Variants in CPN1 observed in about 807,000 individuals in gnomAD.
CPN1 encodes carboxypeptidase N catalytic chain.
In CPN1, 37 loss-of-function variants were observed where a neutral mutation model predicts 46.4. That is an observed-to-expected ratio of 0.80 (90% CI 0.61 to 1.05). The LOEUF is 1.05. CPN1 is among the 50% of genes least tolerant of loss of function. The pLI, the probability that CPN1 is intolerant of heterozygous loss-of-function variation, is 0.00. For synonymous variants in CPN1, 224 were observed against 235.4 expected (o/e 0.95, Z 0.44); for missense variants, 563 against 602.6 (o/e 0.93, Z 0.69).
intron 8 of CPN1, among the ~76,000 whole-genome samples, 174 bp from the exon 9 acceptor site, chr10:100,042,747 T>A (rs2041283783): frequency 6.6e-6 from 1 of 151,988 alleles, no homozygotes; most frequent in Non-Finnish European, 1.5e-5. Context: ...CAATCATTGG[T>A]GATAGATAGA....
chr10:100,067,652 C>T (rs919946206), intron 3 of CPN1, among the ~76,000 whole-genome samples: 2 of 152,184 alleles, frequency 1.3e-5, no homozygotes, highest in African/African-American at 4.8e-5. Context: ...AGCGTGATCA[C>T]CAGGGGTGGC....
intron 7 of CPN1, among the ~76,000 whole-genome samples, chr10:100,049,344 C>A (rs60513250): frequency 0.05 from 7,518 of 150,860 alleles, 466 homozygotes; most frequent in African/African-American, 0.15. Context: ...CTCACTGCAA[C>A]CCCTACCTCC....
intron 7 of CPN1, among the ~76,000 whole-genome samples, chr10:100,052,861 TAG>T (rs999192270): frequency 6.6e-6 from 1 of 151,640 alleles, no homozygotes; most frequent in African/African-American, 2.4e-5. Flanking sequence ...GCCCAGGCAA[TAG>T]AGTGAGACCC....
rs1252010586 is a variant in CPN1, at chr10:100,057,035, G to C, written c.989C>G (p.Ala330Gly). The change falls in exon 6 of 9, where the codon GCC becomes GGC. Residue 330 changes from alanine (A) to glycine (G), a missense_variant. By Grantham distance (60) the Ala-to-Gly change is moderately conservative. Coordinates refer to ENST00000370418, the MANE Select transcript of CPN1 (RefSeq NM_001308.3). ...LQREWLGNRE[A>G]LIQFLEQVHQ... is the part of the protein sequence containing the mutation. ...TACCTGTTCCAGGAACTGGATTAGG[G>C]CTTCCCGATTACCCAGCCACTCCCG... is the stretch of plus-strand genomic sequence containing the variant. 6.2e-7 allele frequency: 1 copy of C among 1,613,984 alleles called. No homozygotes were observed. The highest frequency in any genetic ancestry group is 8.5e-7 in the Non-Finnish European group (1 of 1,180,026).
chr10:100,071,070 C>T (rs1453517461), intron 2 of CPN1, among the ~76,000 whole-genome samples: 1 of 152,118 alleles, frequency 6.6e-6, no homozygotes. Flanking sequence ...CCACACTGGG[C>T]ATAATGTTTG....
intron 5 of CPN1, among the ~76,000 whole-genome samples, chr10:100,061,588 A>G (rs1330080573): frequency 2.6e-5 from 4 of 152,170 alleles, no homozygotes; most frequent in African/African-American, 9.7e-5. Flanking sequence ...ACACTGTTGG[A>G]AGAACCATTT....
At chr10:100,075,436 C>T (rs975619746) in intron 2 of CPN1, among the ~76,000 whole-genome samples, 1 of 152,126 alleles carries the variant, frequency 6.6e-6, no homozygotes, top group African/African-American at 2.4e-5. Flanking sequence ...TAGAATTAGC[C>T]CCCTACCCCC....
At chr10:100,080,124 T>C (rs1202323722) in intron 1 of CPN1, among the ~76,000 whole-genome samples, 2 of 142,008 alleles carry the variant, frequency 1.4e-5, no homozygotes, top group Non-Finnish European at 3.0e-5. Context: ...CAGTTGGGAG[T>C]TCAGTGCAAT....
intron 8 of CPN1, among the ~76,000 whole-genome samples, chr10:100,046,104 T>C (rs1030950630): frequency 6.6e-6 from 1 of 152,142 alleles, no homozygotes; most frequent in African/African-American, 2.4e-5. Context: ...TCATCCTATC[T>C]ATAAAAGAAA....
chr10:100,058,962 G>A (rs1031868091), intron 5 of CPN1, among the ~76,000 whole-genome samples: 1 of 152,172 alleles, frequency 6.6e-6, no homozygotes, highest in Non-Finnish European at 1.5e-5. Context: ...AACAAATGGT[G>A]CTGGAGAAAC....
In CPN1 at chr10:100,057,049, C is replaced by T. The variant is rs778336494; in HGVS notation, c.975G>A (p.Leu325=). 4 of 1,614,034 alleles carry T rather than the reference C, an allele frequency of 2.5e-6. No individual in the cohort carries two copies. The highest frequency in any genetic ancestry group is 3.4e-6 in the Non-Finnish European group (4 of 1,180,028). ...PPEEELQREW[L]GNREALIQFL... ...ACTGGATTAGGGCTTCCCGATTACC[C>T]AGCCACTCCCGCTGTAACTCCTCTT... is the stretch of plus-strand genomic sequence containing the variant. Residue 325 remains leucine (L), a synonymous_variant, in exon 6 of 9, where the codon CTG becomes CTA. Coordinates refer to ENST00000370418, the MANE Select transcript of CPN1 (RefSeq NM_001308.3).
chr10:100,076,948 C>T (rs1334581754), intron 1 of CPN1, among the ~76,000 whole-genome samples: 2 of 152,186 alleles, frequency 1.3e-5, no homozygotes, highest in Non-Finnish European at 2.9e-5. Context: ...AACTGTTCAA[C>T]TTGAGGTAAG....
intron 2 of CPN1, 66 bp from the exon 3 acceptor site, chr10:100,069,935 T>G: frequency 6.3e-7 from 1 of 1,593,186 alleles, no homozygotes; most frequent in East Asian, 2.2e-5. Context: ...CTAACTTTTT[T>G]TTTTGGAGAC....
In CPN1 at chr10:100,054,228, C is replaced by A. The variant is rs111804056; in HGVS notation, c.1111+119G>T. ...GCCCTTCTTTCCTCCATCCCCCCCA[C>A]TCCCAGCATCCTTGACACCCCTGCT... On this transcript the variant is annotated intron_variant, in intron 7 of 8. Coordinates refer to ENST00000370418, the MANE Select transcript of CPN1 (RefSeq NM_001308.3). 7.6e-3 allele frequency: 6,001 copies of A among 787,472 alleles called. 198 individuals are homozygous for A. The African/African-American group carries it at 0.077, about 10-fold the overall frequency. The allele number at this position is 787,472 out of a possible 1,614,324, so 48.8% of individuals were successfully genotyped here. A position where few individuals can be genotyped will look rare whatever the true frequency, so the allele number is the denominator to read the frequency against.
At chr10:100,058,171 G>GT (rs1486023015) in intron 5 of CPN1, among the ~76,000 whole-genome samples, 21 of 151,200 alleles carry the variant, frequency 1.4e-4, no homozygotes, top group African/African-American at 4.6e-4. Context: ...CATCCTTTAT[G>GT]TTTTTTTTCC....
intron 7 of CPN1, among the ~76,000 whole-genome samples, chr10:100,051,021 CCTCAAAAAACAAAAAAATTTCTTTTAT>C: frequency 6.6e-6 from 1 of 152,066 alleles, no homozygotes; most frequent in Non-Finnish European, 1.5e-5. Context: ...CGAGACTCTG[CCTCAAAAAACAAAAAAATTTCTTTTAT>C]CATCTTCAAA....
chr10:100,081,498 G>C lies in CPN1; in HGVS notation c.128C>G (p.Pro43Arg). The C allele has an allele frequency of 1.2e-6, 2 of 1,614,112 alleles. No homozygotes were observed. Among genetic ancestry groups the C allele is most frequent in the Non-Finnish European group, 1.7e-6 (2 of 1,180,028 alleles). ...RTLYKVQNEC[P>R]GITRVYSIGR... ...AATGCTGTAGACCCGCGTGATGCCGGGGCATTCGTTTTGCACCTTGTACAG... is the reference window on the plus strand; with the variant it reads ...AATGCTGTAGACCCGCGTGATGCCGCGGCATTCGTTTTGCACCTTGTACAG... The change falls in exon 1 of 9, where the codon CCC becomes CGC. Residue 43 changes from proline (P) to arginine (R), a missense_variant. Pro to Arg is a moderately radical substitution (Grantham distance 103, BLOSUM62 -2). Transcript: ENST00000370418.
Position 100,047,486 on chromosome 10 carries a change from G to A in CPN1, c.1230+1272C>T, listed in dbSNP as rs116361522. Among the ~76,000 whole-genome samples the A allele has an allele frequency of 3.6e-3, 546 of 152,342 alleles. 5 individuals carry two copies. The highest frequency in any genetic ancestry group is 0.012 in the African/African-American group (509 of 41,584). ...TGGTCAGAGAGCCCAGAAGAATCTGGAAAGATAGGCCTTGCTAGATTTCTT... is the reference window on the plus strand; with the variant it reads ...TGGTCAGAGAGCCCAGAAGAATCTGAAAAGATAGGCCTTGCTAGATTTCTT... On this transcript the variant is annotated intron_variant, in intron 8 of 8. Coordinates refer to ENST00000370418, the MANE Select transcript of CPN1 (RefSeq NM_001308.3).
chr10:100,076,268 G>A (rs2041514779), intron 1 of CPN1, among the ~76,000 whole-genome samples, 161 bp from the exon 2 acceptor site: 1 of 152,162 alleles, frequency 6.6e-6, no homozygotes, highest in South Asian at 2.1e-4. Flanking sequence ...ACCAATTACA[G>A]TTACAAAACC....
Sources: gnomAD v4.1 joint callset for allele counts (sites outside exome capture counted in the v4.1 genomes callset) on GRCh38, gnomAD v4.1.1 for gene constraint, MANE v1.5 for transcripts, NCBI Gene and HGNC (gene_info 2026-07-23, HGNC 2026-07-21) for gene names.